Variants in ZP1 observed in about 807,000 individuals in gnomAD.
ZP1 encodes zona pellucida glycoprotein 1.
In ZP1, 58 loss-of-function variants were observed where a neutral mutation model predicts 67.4. The observed-to-expected ratio is 0.86, with a 90% CI of 0.70 to 1.07. ZP1 has a LOEUF of 1.07. Among genes scored for constraint, ZP1 ranks in the 50% least tolerant of loss-of-function variants. The pLI is 0.00. For synonymous variants in ZP1, 333 were observed against 332.7 expected (o/e 1.00, Z -0.01); for missense variants, 759 against 807.3 (o/e 0.94, Z 0.72).
At chr11:60,872,704 A>C (rs1855597499) in intron 6 of ZP1, among the ~76,000 whole-genome samples, 1 of 152,232 alleles carries the variant, frequency 6.6e-6, no homozygotes, top group Non-Finnish European at 1.5e-5. Flanking sequence ...GGCTTAGGTT[A>C]GAAGACTTGC....
Position 60,874,994 on chromosome 11 carries a change from C to CA in ZP1, c.1635dup (p.Cys546MetfsTer2). ...TCAGGGCTGGAGACTTGCTCCACTG[C>CA]ATGTAGCACTGGCACTACAAGTGAG... On this transcript the variant is annotated frameshift_variant, in exon 10 of 12. Coordinates refer to ENST00000278853, the MANE Select transcript of ZP1 (RefSeq NM_207341.4). LOFTEE classifies it high-confidence loss of function. 1 of 1,614,272 alleles carries CA rather than the reference C, an allele frequency of 6.2e-7. No homozygotes were observed. Among genetic ancestry groups the CA allele is most frequent in the Non-Finnish European group, 8.5e-7 (1 of 1,180,052 alleles).
At chr11:60,872,522 A>G (rs999626183) in intron 6 of ZP1, among the ~76,000 whole-genome samples, 5 of 152,194 alleles carry the variant, frequency 3.3e-5, no homozygotes, top group Non-Finnish European at 7.3e-5. Context: ...AGTGGCCACC[A>G]TGGCCCTTAG....
Position 60,869,701 on chromosome 11 carries a change from C to T in ZP1, c.483C>T (p.Thr161=). 1.2e-6 allele frequency: 2 copies of T among 1,614,090 alleles called. No homozygotes were observed. The highest frequency in any genetic ancestry group is 1.7e-6 in the Non-Finnish European group (2 of 1,179,990). ...PAMFSVSTPQ[T]LSFLPTSGHT... is the part of the protein sequence containing the mutation. Reference sequence around the variant, plus strand: ...TGTTCTCTGTCTCAACCCCACAAACCCTTTCCTTCCTCCCCACCTCTGGCC... The same window carrying T: ...TGTTCTCTGTCTCAACCCCACAAACTCTTTCCTTCCTCCCCACCTCTGGCC... Residue 161 remains threonine, a synonymous_variant, in exon 3 of 12, where the codon ACC becomes ACT. Coordinates refer to ENST00000278853, the MANE Select transcript of ZP1 (RefSeq NM_207341.4).
intron 6 of ZP1, 21 bp from the exon 7 acceptor site, chr11:60,873,141 C>T (rs1462665481): frequency 2.6e-6 from 4 of 1,527,494 alleles, no homozygotes; most frequent in Non-Finnish European, 3.5e-6. Flanking sequence ...TCTCCCCCAC[C>T]CTCTTGCACG....
chr11:60,869,301 C>T, intron 2 of ZP1, 35 bp downstream of exon 2: 11 of 1,612,930 alleles, frequency 6.8e-6, no homozygotes, highest in Non-Finnish European at 9.3e-6. Flanking sequence ...CAGGGGCAAG[C>T]TTGTCCTAGT....
At chr11:60,868,946 C>T (rs1855516018) in intron 1 of ZP1, among the ~76,000 whole-genome samples, 199 bp from the exon 2 acceptor site, 1 of 152,216 alleles carries the variant, frequency 6.6e-6, no homozygotes, top group Admixed American at 6.5e-5. Flanking sequence ...GATCCTAAGA[C>T]CCTCCCATCC....
In ZP1 at chr11:60,869,632, T is replaced by G. The variant is rs748845974; in HGVS notation, c.414T>G (p.Pro138=). The change falls in exon 3 of 12, where the codon CCT becomes CCG. Residue 138 remains proline, a synonymous_variant. Coordinates refer to ENST00000278853, the MANE Select transcript of ZP1 (RefSeq NM_207341.4). The part of the protein sequence containing the change: ...AQDATLICPK[P]DPSRTLDSQL... ...ACGCTACTCTGATCTGTCCCAAACC[T>G]GACCCCTCCCGGACTCTGGACTCCC... The G allele has an allele frequency of 3.1e-6, 5 of 1,614,162 alleles. No homozygotes were observed. Among genetic ancestry groups the G allele is most frequent in the Non-Finnish European group, 4.2e-6 (5 of 1,180,022 alleles).
chr11:60,874,852 G>T, intron 9 of ZP1, 81 bp from the exon 10 acceptor site: 1 of 1,411,382 alleles, frequency 7.1e-7, no homozygotes, highest in South Asian at 1.2e-5. Context: ...GGCCCAGCTC[G>T]GGGATTCCAT....
intron 9 of ZP1, 114 bp from the exon 10 acceptor site, chr11:60,874,819 C>G: frequency 1.0e-6 from 1 of 963,542 alleles, no homozygotes; most frequent in Non-Finnish European, 1.6e-6. Flanking sequence ...TTCTCCCTGC[C>G]TGGCTAGCAG....
At chr11:60,874,253 C>T (rs1056612793) in intron 9 of ZP1, among the ~76,000 whole-genome samples, 3 of 152,222 alleles carry the variant, frequency 2.0e-5, no homozygotes, top group Admixed American at 1.3e-4. Context: ...ATTCTTAAAT[C>T]ACTGCCTGTT....
chr11:60,869,098 C>A, intron 1 of ZP1, 47 bp from the exon 2 acceptor site: 2 of 1,612,788 alleles, frequency 1.2e-6, no homozygotes, highest in Non-Finnish European at 1.7e-6. Context: ...AGCAACCTCT[C>A]CCTGCACCCT....
Position 60,871,042 on chromosome 11 carries a change from C to T in ZP1, c.912C>T (p.Asn304=), listed in dbSNP as rs1855556831. 1 of 1,614,250 alleles carries T rather than the reference C, an allele frequency of 6.2e-7. No homozygotes were observed. Among genetic ancestry groups the T allele is most frequent in the Non-Finnish European group, 8.5e-7 (1 of 1,180,046 alleles). ...MALTHRITLA[N]IHLAYAPTSC... is the part of the protein sequence containing the mutation. ...TGACACACAGGATCACACTGGCCAA[C>T]ATCCACCTGGCCTATGCCCCCACCA... The change falls in exon 5 of 12, where the codon AAC becomes AAT. Residue 304 remains asparagine, a synonymous_variant. Coordinates refer to ENST00000278853, the MANE Select transcript of ZP1 (RefSeq NM_207341.4).
intron 1 of ZP1, 127 bp downstream of exon 1, chr11:60,867,884 C>A: frequency 9.4e-7 from 1 of 1,059,108 alleles, no homozygotes; most frequent in Non-Finnish European, 1.3e-6. Context: ...GTCCAGCCCC[C>A]CACCCCCTCA....
chr11:60,874,842 G>T, intron 9 of ZP1, 91 bp from the exon 10 acceptor site: 2 of 1,267,204 alleles, frequency 1.6e-6, no homozygotes, highest in Non-Finnish European at 2.3e-6. Context: ...GCCTAGACTT[G>T]GCCCAGCTCG....
chr11:60,872,514 T>G (rs1855592656), intron 6 of ZP1, among the ~76,000 whole-genome samples: 1 of 152,004 alleles, frequency 6.6e-6, no homozygotes, highest in Non-Finnish European at 1.5e-5. Context: ...TGTGGAGGAG[T>G]GGCCACCATG....
chr11:60,872,103 AGCTCACGCCTAT>A (rs1351250971), intron 6 of ZP1, among the ~76,000 whole-genome samples: 1 of 152,214 alleles, frequency 6.6e-6, no homozygotes, highest in Non-Finnish European at 1.5e-5. Context: ...CAGAGGTGGT[AGCTCACGCCTAT>A]GATACCAGCG....
chr11:60,873,212 C>A lies in ZP1; in HGVS notation c.1163C>A (p.Ala388Glu), dbSNP rs777971469. 4.4e-6 allele frequency: 7 copies of A among 1,608,144 alleles called. No individual in the cohort carries two copies. Among genetic ancestry groups the A allele is most frequent in the Non-Finnish European group, 5.9e-6 (7 of 1,176,876 alleles). Residue 388 changes from alanine to glutamate, a missense_variant, in exon 7 of 12, where the codon GCA becomes GAA. Transcript: ENST00000278853. ...GCCAGTGACTTCCTGCCCATTCAGGCATCCATTTTCCCACCCCCATCGCCT... is the reference window on the plus strand; with the variant it reads ...GCCAGTGACTTCCTGCCCATTCAGGAATCCATTTTCCCACCCCCATCGCCT... ...FNASDFLPIQ[A>E]SIFPPPSPAP...
At chr11:60,874,814 C>T in intron 9 of ZP1, 119 bp from the exon 10 acceptor site, 1 of 907,506 alleles carries the variant, frequency 1.1e-6, no homozygotes, top group Non-Finnish European at 1.8e-6. Context: ...CAGATTTCTC[C>T]CTGCCTGGCT....
intron 2 of ZP1, 130 bp from the exon 3 acceptor site, chr11:60,869,407 G>A: frequency 6.7e-7 from 1 of 1,495,838 alleles, no homozygotes. Flanking sequence ...GCTCTGGAAG[G>A]TACTTTCTGG....
Sources: allele counts gnomAD v4.1 joint callset (sites outside exome capture counted in the v4.1 genomes callset), GRCh38; gene constraint gnomAD v4.1.1; transcripts MANE v1.5; gene names NCBI Gene and HGNC (gene_info 2026-07-23, HGNC 2026-07-21).